Variants in ASAH1 observed in about 807,000 individuals in gnomAD.
ASAH1 encodes acid ceramidase.
ASAH1 carries 70 observed loss-of-function variants against 59.5 expected under a neutral mutation model. The observed-to-expected ratio is 1.18, with a 90% confidence interval of 0.97 to 1.43. ASAH1 has a LOEUF of 1.43. ASAH1 is among the 40% of genes most tolerant of loss of function. The pLI, the probability that ASAH1 is intolerant of heterozygous loss-of-function variation, is 0.00. For missense variants in ASAH1, 660 were observed against 482.5 expected, an observed-to-expected ratio of 1.37 and a Z score of -3.45; for synonymous variants, 213 against 166.5, an observed-to-expected ratio of 1.28 and a Z score of -2.15.
At position 18,061,104 on chromosome 8, in the gene ASAH1, G is replaced by A. The variant is rs79985562; in HGVS notation, c.785+273C>T. The A allele has an allele frequency of 0.015, 5,227 of 337,440 alleles. 61 individuals carry two copies. Among genetic ancestry groups the A allele is most frequent in the Non-Finnish European group, 0.023 (4,159 of 178,928 alleles). 20.9% of individuals were successfully genotyped at this position (337,440 alleles called of 1,614,324 possible). A position where few individuals can be genotyped will look rare whatever the true frequency, so the allele number is the denominator to read the frequency against. On this transcript the variant is annotated intron_variant, in intron 10 of 13. Coordinates refer to ENST00000637790, the MANE Select transcript of ASAH1 (RefSeq NM_177924.5). ...ACTGTATGACTGTTCTTTTGTGTGT[G>A]GGTCATTTTTTTTCTGTACACCAAA...
intron 6 of ASAH1, 95 bp downstream of exon 6, chr8:18,064,362 T>A (rs1014612561): frequency 1.0e-6 from 1 of 986,958 alleles, no homozygotes. Context: ...AGAATTTACA[T>A]AGCAAGCCCA....
upstream of ASAH1, chr8:18,084,462 C>T: frequency 7.5e-7 from 1 of 1,332,618 alleles, no homozygotes. Context: ...TCCCGCGTAC[C>T]CAGGCGTCCT....
intron 12 of ASAH1, 157 bp downstream of exon 12, chr8:18,059,184 G>A (rs1403154020): frequency 3.3e-6 from 4 of 1,211,374 alleles, no homozygotes; most frequent in African/African-American, 1.5e-5. Flanking sequence ...TGCTCTTTAA[G>A]TTAAGAAAAC....
chr8:18,066,847 C>G (rs1033916412), intron 5 of ASAH1: 3 of 269,152 alleles, frequency 1.1e-5, no homozygotes, highest in African/African-American at 6.4e-5. Context: ...AATAGCACAC[C>G]ACCCATAATG....
chr8:18,071,923 C>T (rs1800193484), intron 2 of ASAH1, among the ~76,000 whole-genome samples: 1 of 152,280 alleles, frequency 6.6e-6, no homozygotes, highest in African/African-American at 2.4e-5. Context: ...TTCTGTCAGC[C>T]ATCCTAATCT....
At chr8:18,061,784 C>A (rs371258132) in intron 8 of ASAH1, 44 bp from the exon 9 acceptor site, 2 of 1,522,660 alleles carry the variant, frequency 1.3e-6, no homozygotes, top group South Asian at 1.2e-5. Context: ...ATCAACCATG[C>A]GCTTTAAGGC....
chr8:18,084,447 G>T (rs959766308), upstream of ASAH1: 47 of 1,359,332 alleles, frequency 3.5e-5, 1 homozygote, highest in African/African-American at 4.4e-5. Context: ...GGCGGGTGCA[G>T]CCTGTCCCGC....
upstream of ASAH1, chr8:18,084,596 A>G (rs1800818473): frequency 1.3e-6 from 2 of 1,593,172 alleles, no homozygotes; most frequent in Admixed American, 1.7e-5. Flanking sequence ...CCGCGGAGTC[A>G]GGGACAAGGA....
At chr8:18,078,186 T>C (rs532682408) in intron 1 of ASAH1, among the ~76,000 whole-genome samples, 2 of 152,304 alleles carry the variant, frequency 1.3e-5, no homozygotes, top group African/African-American at 4.8e-5. Flanking sequence ...TTCCTAATAA[T>C]GACATTTGCA....
intron 10 of ASAH1, 101 bp from the exon 11 acceptor site, chr8:18,059,804 G>A: frequency 8.2e-7 from 1 of 1,220,372 alleles, no homozygotes; most frequent in Non-Finnish European, 1.1e-6. Flanking sequence ...GGACACATGT[G>A]CTGAACGTGC....
At chr8:18,075,852 G>T in intron 1 of ASAH1, 1 of 500,452 alleles carries the variant, frequency 2.0e-6, no homozygotes, top group Non-Finnish European at 3.6e-6. Flanking sequence ...ATTGAGTAAC[G>T]AACAAATGTA....
chr8:18,082,512 C>G (rs1476988956), intron 1 of ASAH1: 3 of 152,172 alleles, frequency 2.0e-5, no homozygotes, highest in Admixed American at 2.0e-4. Flanking sequence ...TAAGAACAGA[C>G]AAAAACAAGG....
In ASAH1 at chr8:18,067,211, G is replaced by C. The variant is rs371977439; in HGVS notation, c.382+9C>G. ...ACTTTTTTTTTTAAAGCTTCTAAGT[G>C]AACTTTACCTAAAGGTATATCAGTA... is the stretch of plus-strand genomic sequence containing the variant. On this transcript the variant is annotated intron_variant, in intron 5 of 13. Transcript: ENST00000637790. The C allele has an allele frequency of 1.8e-5, 28 of 1,581,084 alleles. No individual in the cohort carries two copies. Among genetic ancestry groups the C allele is most frequent in the Non-Finnish European group, 2.4e-5 (28 of 1,160,208 alleles).
chr8:18,063,263 A>G (rs1799782930), intron 6 of ASAH1, 33 bp from the exon 7 acceptor site: 1 of 1,549,870 alleles, frequency 6.5e-7, no homozygotes, highest in Non-Finnish European at 8.9e-7. Flanking sequence ...GACGTGTAAT[A>G]GCAGTTAAGA....
intron 3 of ASAH1, 96 bp from the exon 4 acceptor site, chr8:18,069,974 T>C (rs1276740932): frequency 1.3e-6 from 1 of 786,632 alleles, no homozygotes; most frequent in Non-Finnish European, 2.1e-6. Flanking sequence ...AGAGTGCTAT[T>C]TGACAATTTA....
chr8:18,079,868 G>A (rs1366854498), intron 1 of ASAH1, among the ~76,000 whole-genome samples: 8 of 152,224 alleles, frequency 5.3e-5, no homozygotes, highest in Admixed American at 5.2e-4. Flanking sequence ...GAATTCACAT[G>A]AGCTTGAAAA....
rs113896339 is a variant in ASAH1, at chr8:18,071,244, G to GAAATC, written c.216+55_216+56insGATTT. On this transcript the variant is annotated intron_variant, in intron 3 of 13. Transcript: ENST00000637790. ...AAATCAATCAATAAATAAAAATAAA[G>GAAATC]AAATAAAATAAAAAATAAAAATAAA... 1.3e-4 allele frequency: 111 copies of GAAATC among 841,468 alleles called. 2 individuals carry two copies. Among genetic ancestry groups the GAAATC allele is most frequent in the African/African-American group, 1.3e-3 (69 of 53,458 alleles). 52.1% of individuals were successfully genotyped at this position (841,468 alleles called of 1,614,324 possible). A position where few individuals can be genotyped will look rare whatever the true frequency, so the allele number is the denominator to read the frequency against.
intron 1 of ASAH1, among the ~76,000 whole-genome samples, chr8:18,078,154 G>A (rs1053104827): frequency 1.3e-5 from 2 of 152,152 alleles, no homozygotes; most frequent in Non-Finnish European, 2.9e-5. Context: ...CAAATTAAGT[G>A]AAACGTAATG....
chr8:18,071,215 A>AC lies in ASAH1; in HGVS notation c.216+84_216+85insG, dbSNP rs1446997397. ...GAGTGAGACTCTGTCTCAAAACAAA[A>AC]AAAAAATCAATCAATAAATAAAAAT... On this transcript the variant is annotated intron_variant, in intron 3 of 13. Coordinates refer to ENST00000637790, the MANE Select transcript of ASAH1 (RefSeq NM_177924.5). The AC allele has an allele frequency of 5.0e-6, 4 of 793,802 alleles. No individual in the cohort carries two copies. The East Asian group carries it at 1.3e-4, about 26-fold the overall frequency. 49.2% of individuals were successfully genotyped at this position (793,802 alleles called of 1,614,324 possible).
Sources: allele counts gnomAD v4.1 joint callset (sites outside exome capture counted in the v4.1 genomes callset), GRCh38; gene constraint gnomAD v4.1.1; transcripts MANE v1.5; gene names NCBI Gene and HGNC (gene_info 2026-07-23, HGNC 2026-07-21).